CSMD1: variants seen among roughly 807,000 people sequenced by gnomAD.
The protein encoded by CSMD1 is CUB and Sushi multiple domains 1, also known as CUB and sushi domain-containing protein 1.
In CSMD1, 213 loss-of-function variants were observed where a neutral mutation model predicts 417.5. The ratio of observed to expected loss-of-function variants is 0.51; its 90% CI spans 0.46 to 0.57. The LOEUF is 0.57. CSMD1 is among the 20% of genes least tolerant of loss of function. The probability of loss-of-function intolerance (pLI) is 0.00; values close to 1 mark genes in which losing one functional copy is unlikely to be tolerated. For missense variants in CSMD1, 6,923 were observed against 4,529.7 expected (o/e 1.53, Z -15.17); for synonymous variants, 2,862 against 1,736.8 (o/e 1.65, Z -16.11).
chr8:3,501,538 T>TA (rs1475141329), intron 10 of CSMD1, among the ~76,000 whole-genome samples: 2 of 152,224 alleles, frequency 1.3e-5, no homozygotes, highest in Non-Finnish European at 2.9e-5. Flanking sequence ...ATAAATGCTT[T>TA]AATTAATAAC....
intron 3 of CSMD1, among the ~76,000 whole-genome samples, chr8:4,310,268 G>A (rs1035394602): frequency 1.3e-5 from 2 of 152,148 alleles, no homozygotes; most frequent in Non-Finnish European, 2.9e-5. Context: ...AGTTAGAACT[G>A]TTATCATGGC....
chr8:3,651,090 A>G (rs937127372), intron 7 of CSMD1, among the ~76,000 whole-genome samples: 1 of 152,210 alleles, frequency 6.6e-6, no homozygotes, highest in Non-Finnish European at 1.5e-5. Context: ...TCGTGCATAC[A>G]ATGGCCGTTT....
chr8:3,865,828 C>A (rs1805058219), intron 5 of CSMD1, among the ~76,000 whole-genome samples: 1 of 152,164 alleles, frequency 6.6e-6, no homozygotes, highest in Non-Finnish European at 1.5e-5. Context: ...ATACCCTTCT[C>A]ACATTGCTCC....
intron 2 of CSMD1, among the ~76,000 whole-genome samples, chr8:4,606,729 C>T (rs1264912150): frequency 1.3e-5 from 2 of 152,124 alleles, no homozygotes; most frequent in Non-Finnish European, 2.9e-5. Context: ...TGATAAAGAC[C>T]TTTTTCTAAT....
chr8:4,433,337 TG>T (rs1307296141), intron 2 of CSMD1, among the ~76,000 whole-genome samples: 1 of 152,164 alleles, frequency 6.6e-6, no homozygotes, highest in African/African-American at 2.4e-5. Context: ...CCAGAAAGGT[TG>T]GGGACTGCTA....
At chr8:4,428,431 T>C (rs1321698153) in intron 2 of CSMD1, among the ~76,000 whole-genome samples, 1 of 152,212 alleles carries the variant, frequency 6.6e-6, no homozygotes, top group Non-Finnish European at 1.5e-5. Context: ...GATTTGCTAA[T>C]GCAATATGGA....
chr8:3,693,342 T>C lies in CSMD1; in HGVS notation c.1009+15072A>G, dbSNP rs535579644. Reference sequence around the variant, plus strand: ...ATGATAATTTTTTTTTCAATTATTGTCAGATGTCCAAGAAATGATAAAATC... The same window carrying C: ...ATGATAATTTTTTTTTCAATTATTGCCAGATGTCCAAGAAATGATAAAATC... On this transcript the variant is annotated intron_variant, in intron 7 of 69. Transcript: ENST00000635120. Among the ~76,000 whole-genome samples the C allele has an allele frequency of 3.3e-5, 5 of 152,276 alleles. 1 individual carries two copies. The highest frequency in any genetic ancestry group is 1.2e-4 in the African/African-American group (5 of 41,554).
At chr8:4,829,303 A>G (rs1156546816) in intron 1 of CSMD1, among the ~76,000 whole-genome samples, 1 of 152,176 alleles carries the variant, frequency 6.6e-6, no homozygotes, top group East Asian at 1.9e-4. Context: ...TTATCCCATC[A>G]AACCATTATA....
intron 10 of CSMD1, among the ~76,000 whole-genome samples, chr8:3,503,263 G>C (rs765867319): frequency 6.6e-6 from 1 of 152,156 alleles, no homozygotes; most frequent in East Asian, 1.9e-4. Flanking sequence ...TATCTGAGAT[G>C]TTTAGCCCCA....
intron 50 of CSMD1, among the ~76,000 whole-genome samples, chr8:3,040,668 C>T (rs901639632): frequency 1.3e-5 from 2 of 151,706 alleles, no homozygotes; most frequent in Admixed American, 6.6e-5. Flanking sequence ...CCGGGCATGG[C>T]GGCGTGTGCC....
At chr8:4,118,385 G>C (rs1802282124) in intron 3 of CSMD1, among the ~76,000 whole-genome samples, 1 of 141,744 alleles carries the variant, frequency 7.1e-6, no homozygotes, top group African/African-American at 2.7e-5. Context: ...AATCTACAAA[G>C]AACTTAAAGA....
At chr8:4,126,259 C>T (rs1019748563) in intron 3 of CSMD1, among the ~76,000 whole-genome samples, 2 of 152,106 alleles carry the variant, frequency 1.3e-5, no homozygotes, top group African/African-American at 2.4e-5. Context: ...CCCACACGAC[C>T]GGCTCTGCAT....
intron 25 of CSMD1, among the ~76,000 whole-genome samples, chr8:3,302,530 C>G (rs151125561): frequency 6.6e-6 from 1 of 152,276 alleles, no homozygotes; most frequent in African/African-American, 2.4e-5. Flanking sequence ...TCTATCTTTT[C>G]TGGGCAATTC....
chr8:3,986,784 C>T (rs949901996), intron 5 of CSMD1, among the ~76,000 whole-genome samples: 1 of 151,836 alleles, frequency 6.6e-6, no homozygotes, highest in Non-Finnish European at 1.5e-5. Flanking sequence ...TAGATGGAGT[C>T]TCACCCTGTT....
intron 26 of CSMD1, among the ~76,000 whole-genome samples, chr8:3,249,675 T>C (rs556433256): frequency 6.6e-6 from 1 of 152,286 alleles, no homozygotes; most frequent in Admixed American, 6.5e-5. Flanking sequence ...ACTTCAAACA[T>C]GTAATGTAAA....
chr8:2,988,332 C>T (rs1330931953), intron 54 of CSMD1, among the ~76,000 whole-genome samples: 2 of 151,682 alleles, frequency 1.3e-5, no homozygotes, highest in Non-Finnish European at 2.9e-5. Context: ...TCTAAACACC[C>T]AATCCTATAA....
At chr8:4,223,708 T>C (rs1801181234) in intron 3 of CSMD1, among the ~76,000 whole-genome samples, 1 of 152,220 alleles carries the variant, frequency 6.6e-6, no homozygotes, top group Non-Finnish European at 1.5e-5. Context: ...GAATATTTTT[T>C]TGTTATCTGA....
chr8:4,171,603 C>T (rs531715460), intron 3 of CSMD1, among the ~76,000 whole-genome samples: 186 of 151,642 alleles, frequency 1.2e-3, no homozygotes, highest in Non-Finnish European at 1.1e-3. Context: ...CCTTAGGGGA[C>T]GGTCCCACTA....
chr8:3,502,694 G>T (rs910669183), intron 10 of CSMD1, among the ~76,000 whole-genome samples: 10 of 152,318 alleles, frequency 6.6e-5, no homozygotes, highest in Admixed American at 5.2e-4. Flanking sequence ...ATTAGTGATT[G>T]TTAGGGGTTA....
Sources: allele counts gnomAD v4.1 joint callset (sites outside exome capture counted in the v4.1 genomes callset), GRCh38; gene constraint gnomAD v4.1.1; transcripts MANE v1.5; gene names NCBI Gene and HGNC (gene_info 2026-07-23, HGNC 2026-07-21).